Variants in TPO observed in about 807,000 individuals in gnomAD.
TPO encodes the protein thyroid microsomal antigen.
A neutral mutation model predicts 96.9 loss-of-function variants in TPO; 78 were observed. The observed-to-expected ratio is 0.81, with a 90% confidence interval of 0.67 to 0.97. The LOEUF (loss-of-function observed/expected upper bound fraction) is 0.97. Ranked by LOEUF, TPO falls within the 50% of genes least tolerant of loss-of-function variation. The pLI is 0.00. For missense variants in TPO, 1,252 were observed against 1,274.8 expected (o/e 0.98, Z 0.27); for synonymous variants, 547 against 538.0 (o/e 1.02, Z -0.23).
At chr2:1,537,483 C>CTA (rs1680054860) in intron 15 of TPO, among the ~76,000 whole-genome samples, 6 of 58,936 alleles carry the variant, frequency 1.0e-4, no homozygotes, top group Non-Finnish European at 1.8e-4. Flanking sequence ...AATTCTTCCA[C>CTA]TCTGTGCAGC....
In TPO at chr2:1,509,358, C is replaced by T. The variant is rs140830688; in HGVS notation, c.2518+5279C>T. On this transcript the variant is annotated intron_variant, in intron 14 of 16. Coordinates refer to ENST00000329066, the MANE Select transcript of TPO (RefSeq NM_001206744.2). ...TCAGGGACACCACACCCTCTTGTAT[C>T]GGGCACAGGATACCCTCTTCTTTCA... 5.9e-5 allele frequency among the ~76,000 whole-genome samples: 9 copies of T among 151,388 alleles called. No homozygotes were observed. The East Asian group carries it at 1.2e-3, about 20-fold the overall frequency.
At chr2:1,407,106 C>A (rs1662259688) in intron 1 of TPO, among the ~76,000 whole-genome samples, 1 of 152,194 alleles carries the variant, frequency 6.6e-6, no homozygotes, top group Non-Finnish European at 1.5e-5. Context: ...GCAACACAGA[C>A]ATGCAGCCCT....
chr2:1,521,879 C>T (rs1413972524), intron 15 of TPO, among the ~76,000 whole-genome samples: 1 of 151,996 alleles, frequency 6.6e-6, no homozygotes, highest in East Asian at 1.9e-4. Flanking sequence ...CAGCCTCCCA[C>T]CCCAGTCCCC....
intron 8 of TPO, among the ~76,000 whole-genome samples, chr2:1,481,922 G>T (rs906250318): frequency 5.3e-5 from 8 of 152,200 alleles, no homozygotes; most frequent in Non-Finnish European, 1.0e-4. Flanking sequence ...ACCAAGCCCA[G>T]GTGCGCCATG....
intron 9 of TPO, among the ~76,000 whole-genome samples, chr2:1,486,579 C>T (rs892733518): frequency 2.6e-5 from 4 of 152,000 alleles, no homozygotes; most frequent in African/African-American, 7.3e-5. Flanking sequence ...CTAAACTGTT[C>T]TATAGTTATG....
rs1161174634 is a variant in TPO at position 1,524,954 on chromosome 2, C to A, written c.2618+7972C>A. ...AACCTCCTCAAATCCCGACTCTGTG[C>A]AACCTCCCCAAATCCCCCCAGTGTG... is the stretch of plus-strand genomic sequence containing the variant. On this transcript the variant is annotated intron_variant, in intron 15 of 16. Transcript: ENST00000329066. Among the ~76,000 whole-genome samples the A allele has an allele frequency of 1.6e-4, 20 of 122,138 alleles. 1 individual carries two copies. In the Admixed American group the frequency reaches 1.6e-3, roughly 10 times the overall value. 80.1% of individuals were successfully genotyped at this position (122,138 alleles called of 152,430 possible).
At chr2:1,378,098 G>A (rs1048959131) in intron 1 of TPO, among the ~76,000 whole-genome samples, 3 of 152,176 alleles carry the variant, frequency 2.0e-5, no homozygotes, top group African/African-American at 4.8e-5. Context: ...TTTAAGACAC[G>A]GCTTTCACCT....
At chr2:1,454,493 A>G (rs1667607582) in intron 6 of TPO, among the ~76,000 whole-genome samples, 1 of 152,096 alleles carries the variant, frequency 6.6e-6, no homozygotes, top group Admixed American at 6.5e-5. Flanking sequence ...TACCTAGGCA[A>G]TTTTCCTAGG....
intron 1 of TPO, among the ~76,000 whole-genome samples, chr2:1,406,207 C>T (rs1261108511): frequency 1.3e-5 from 2 of 152,170 alleles, no homozygotes; most frequent in Non-Finnish European, 1.5e-5. Flanking sequence ...ATTTACCGAC[C>T]TTCACCACTC....
intron 15 of TPO, among the ~76,000 whole-genome samples, chr2:1,520,326 C>T (rs1675120674): frequency 1.3e-5 from 2 of 152,120 alleles, no homozygotes; most frequent in African/African-American, 2.4e-5. Flanking sequence ...CTTATTTCCA[C>T]CTTAGGGCAT....
intron 7 of TPO, among the ~76,000 whole-genome samples, chr2:1,460,771 A>G (rs909879324): frequency 1.3e-5 from 2 of 152,132 alleles, no homozygotes; most frequent in Middle Eastern, 3.2e-3. Context: ...CACGTTGGGT[A>G]GGGAGCTGCA....
rs199621917 is a variant in TPO at position 1,493,932 on chromosome 2, T to A, written c.1899T>A (p.Asp633Glu). The A allele has an allele frequency of 7.4e-6, 12 of 1,614,164 alleles. No individual in the cohort carries two copies. The South Asian group carries it at 1.3e-4, about 18-fold the overall frequency. Reference sequence around the variant, plus strand: ...TGTACAAGCATCCTGACAACATCGATGTCTGGCTGGGAGGCTTAGCTGAAA... The same window carrying A: ...TGTACAAGCATCCTGACAACATCGAAGTCTGGCTGGGAGGCTTAGCTGAAA... ...LDLYKHPDNI[D>E]VWLGGLAENF... is the part of the protein sequence containing the mutation. Residue 633 changes from aspartate (D) to glutamate (E), a missense_variant, in exon 11 of 17, where the codon GAT becomes GAA. Coordinates refer to ENST00000329066, the MANE Select transcript of TPO (RefSeq NM_001206744.2).
At chr2:1,474,893 A>G (rs767983447) in intron 7 of TPO, among the ~76,000 whole-genome samples, 6 of 152,164 alleles carry the variant, frequency 3.9e-5, no homozygotes, top group African/African-American at 9.7e-5. Flanking sequence ...TAATTATTTT[A>G]ACTTCTGCAT....
At chr2:1,449,863 G>A (rs955318943) in intron 5 of TPO, among the ~76,000 whole-genome samples, 1 of 152,176 alleles carries the variant, frequency 6.6e-6, no homozygotes, top group East Asian at 1.9e-4. Context: ...GGGTTCAAAT[G>A]TCCCTCAGGG....
intron 1 of TPO, among the ~76,000 whole-genome samples, chr2:1,375,171 C>T (rs9326161): frequency 0.12 from 18,466 of 151,912 alleles, 2,432 homozygotes; most frequent in African/African-American, 0.33. Flanking sequence ...ACTTTGACCA[C>T]GCATTGCTTA....
intron 1 of TPO, among the ~76,000 whole-genome samples, chr2:1,376,098 T>A (rs1478981104): frequency 1.3e-5 from 2 of 152,146 alleles, no homozygotes; most frequent in Non-Finnish European, 2.9e-5. Flanking sequence ...CGCGGCACCA[T>A]CTGTTCCTCC....
At chr2:1,517,134 A>AT (rs1674799576) in intron 15 of TPO, 152 bp downstream of exon 15, 1 of 792,486 alleles carries the variant, frequency 1.3e-6, no homozygotes. Context: ...TGTACAACGT[A>AT]ATAGACTCTC....
intron 6 of TPO, among the ~76,000 whole-genome samples, chr2:1,454,277 A>AT (rs1261657430): frequency 6.6e-6 from 1 of 152,132 alleles, no homozygotes; most frequent in East Asian, 1.9e-4. Flanking sequence ...AAAATGGGTC[A>AT]TTTTGCCTGT....
chr2:1,445,106 A>T (rs1666640738), intron 5 of TPO, among the ~76,000 whole-genome samples: 1 of 35,012 alleles, frequency 2.9e-5, no homozygotes, highest in Admixed American at 3.7e-4. Flanking sequence ...GGAATGGGGC[A>T]GGCTCCTTCT....
Sources: allele counts gnomAD v4.1 joint callset (sites outside exome capture counted in the v4.1 genomes callset), GRCh38; gene constraint gnomAD v4.1.1; transcripts MANE v1.5; gene names NCBI Gene and HGNC (gene_info 2026-07-23, HGNC 2026-07-21).